The following AGPAT3 variants were observed in gnomAD, a reference collection of about 807,000 sequenced individuals.
AGPAT3 encodes 1-acyl-sn-glycerol-3-phosphate acyltransferase gamma.
In AGPAT3, 5 loss-of-function variants were observed where a neutral mutation model predicts 47.3. The ratio of observed to expected loss-of-function variants is 0.11; its 90% confidence interval spans 0.06 to 0.22. AGPAT3 has a LOEUF of 0.22. AGPAT3 is among the 10% of genes least tolerant of loss of function. The pLI is 1.00. For synonymous variants in AGPAT3, 212 were observed against 208.3 expected, an observed-to-expected ratio of 1.02 and a Z score of -0.15; for missense variants, 315 against 493.0, an observed-to-expected ratio of 0.64 and a Z score of 3.42.
Position 43,877,580 on chromosome 21 carries a change from T to A in AGPAT3, c.-112+12235T>A, listed in dbSNP as rs945472593. Among the ~76,000 whole-genome samples the A allele has an allele frequency of 3.9e-5, 6 of 152,266 alleles. No individual in the cohort carries two copies. The South Asian group carries it at 1.0e-3, about 26-fold the overall frequency. On this transcript the variant is annotated intron_variant, in intron 1 of 9. Coordinates refer to ENST00000291572, the MANE Select transcript of AGPAT3 (RefSeq NM_020132.5). The stretch of plus-strand genomic sequence containing the variant: ...GCCTCAGCTTCCTGAGTAGCCGGGA[T>A]TACAGGCATGCACCACCATGCCCTG...
chr21:43,893,078 G>A (rs114706569), intron 1 of AGPAT3, among the ~76,000 whole-genome samples: 100 of 152,284 alleles, frequency 6.6e-4, no homozygotes, highest in African/African-American at 2.2e-3. Flanking sequence ...CTAGGCAACC[G>A]AGTGACACCC....
intron 1 of AGPAT3, among the ~76,000 whole-genome samples, chr21:43,895,745 C>T (rs1168225500): frequency 6.6e-6 from 1 of 152,004 alleles, no homozygotes; most frequent in Non-Finnish European, 1.5e-5. Flanking sequence ...GCCACCACAC[C>T]TGGCTAATTT....
intron 1 of AGPAT3, among the ~76,000 whole-genome samples, chr21:43,901,227 G>C (rs1284349323): frequency 1.3e-5 from 2 of 151,892 alleles, no homozygotes; most frequent in African/African-American, 4.8e-5. Context: ...CAACGGCAGA[G>C]GCAGGAGGAT....
intron 2 of AGPAT3, chr21:43,925,151 C>T (rs1443237728): frequency 6.6e-6 from 1 of 152,472 alleles, no homozygotes; most frequent in Non-Finnish European, 1.5e-5. Context: ...TCTCCCCTCG[C>T]TGGCGCTGGC....
chr21:43,879,149 A>T (rs1248025077), intron 1 of AGPAT3, among the ~76,000 whole-genome samples: 1 of 152,112 alleles, frequency 6.6e-6, no homozygotes, highest in Non-Finnish European at 1.5e-5. Context: ...CAGGAGTTCG[A>T]GACCAGCCTG....
At chr21:43,942,680 G>T (rs1342977655) in intron 2 of AGPAT3, among the ~76,000 whole-genome samples, 1 of 152,240 alleles carries the variant, frequency 6.6e-6, no homozygotes, top group Non-Finnish European at 1.5e-5. Flanking sequence ...AACCCCACAG[G>T]TGGCAGCTGG....
chr21:43,958,910 G>A (rs895468685), intron 2 of AGPAT3, among the ~76,000 whole-genome samples: 1 of 129,872 alleles, frequency 7.7e-6, no homozygotes, highest in African/African-American at 3.0e-5. Context: ...TGGTGGGGTG[G>A]TGTGTGTGTG....
At chr21:43,915,111 T>G (rs1366595168) in intron 2 of AGPAT3, among the ~76,000 whole-genome samples, 1 of 152,134 alleles carries the variant, frequency 6.6e-6, no homozygotes, top group Non-Finnish European at 1.5e-5. Flanking sequence ...CAGGCTGGAG[T>G]GCAGTGATGC....
chr21:43,923,245 C>T (rs572730763), intron 2 of AGPAT3, among the ~76,000 whole-genome samples: 1 of 150,702 alleles, frequency 6.6e-6, no homozygotes, highest in African/African-American at 2.4e-5. Context: ...GAGTCGCTGT[C>T]TGGGGGGCAC....
At chr21:43,890,422 T>C (rs2086078027) in intron 1 of AGPAT3, among the ~76,000 whole-genome samples, 1 of 151,448 alleles carries the variant, frequency 6.6e-6, no homozygotes. Context: ...CGGTCTCAAT[T>C]TTTTTTTTAA....
rs959023444 is a variant in AGPAT3, at chr21:43,955,346, C to T, written c.-48-4288C>T. 7.5e-6 allele frequency: 6 copies of T among 801,126 alleles called. No individual in the cohort carries two copies. Among genetic ancestry groups the T allele is most frequent in the South Asian group, 2.3e-5 (1 of 43,008 alleles). The allele number at this position is 801,126 out of a possible 1,614,324, so 49.6% of individuals were successfully genotyped here. A position where few individuals can be genotyped will look rare whatever the true frequency, so the allele number is the denominator to read the frequency against. On this transcript the variant is annotated intron_variant, in intron 2 of 9. Coordinates refer to ENST00000291572, the MANE Select transcript of AGPAT3 (RefSeq NM_020132.5). This position sits in a 1 kb window ranked among gnomAD's most constrained non-coding sequence, Gnocchi z 4.1. Reference sequence around the variant, plus strand: ...TGTTGCAGTGTGGTGGGGTCACAGGCGGCTTAGCTTGTCAACACCCATAAC... The same window carrying T: ...TGTTGCAGTGTGGTGGGGTCACAGGTGGCTTAGCTTGTCAACACCCATAAC...
Position 43,955,134 on chromosome 21 carries a change from C to T in AGPAT3, c.-48-4500C>T. Reference sequence around the variant, plus strand: ...CGTCCATGCCGTGGGGGTCACTCAGCAGCCACGGATGCGCCCTGGGTGCTG... The same window carrying T: ...CGTCCATGCCGTGGGGGTCACTCAGTAGCCACGGATGCGCCCTGGGTGCTG... On this transcript the variant is annotated intron_variant, in intron 2 of 9. Transcript: ENST00000291572. The surrounding 1 kb of genome is among the most constrained non-coding windows in gnomAD (Gnocchi z 4.1). The T allele has an allele frequency of 7.8e-7, 1 of 1,276,784 alleles. No homozygotes were observed. The highest frequency in any genetic ancestry group is 1.0e-6 in the Non-Finnish European group (1 of 980,848). 79.1% of individuals were successfully genotyped at this position (1,276,784 alleles called of 1,614,324 possible).
In AGPAT3 at chr21:43,885,974, TCAGGGGCTCCAAATACAGG is replaced by T. The variant is rs1215804718; in HGVS notation, c.-111-17976_-111-17958del. Among the ~76,000 whole-genome samples, 17 of 152,326 alleles carry T rather than the reference TCAGGGGCTCCAAATACAGG, an allele frequency of 1.1e-4. No homozygotes were observed. The East Asian group carries it at 3.1e-3, about 28-fold the overall frequency. On this transcript the variant is annotated intron_variant, in intron 1 of 9. Transcript: ENST00000291572. ...GCTGACAGGAGGGAAGGTTGCCCGG[TCAGGGGCTCCAAATACAGG>T]CAGGGGTTTTTGCAAAGCCGGGGCA...
intron 2 of AGPAT3, among the ~76,000 whole-genome samples, chr21:43,916,584 A>C (rs2086736030): frequency 8.0e-6 from 1 of 124,388 alleles, no homozygotes; most frequent in African/African-American, 3.2e-5. Flanking sequence ...TATTTATTTC[A>C]TGTATTTTTA....
At position 43,981,397 on chromosome 21, in the gene AGPAT3, G is replaced by A. The variant is rs939189035; in HGVS notation, c.1042+210G>A. 20 of 611,784 alleles carry A rather than the reference G, an allele frequency of 3.3e-5. No individual in the cohort carries two copies. The highest frequency in any genetic ancestry group is 5.6e-5 in the East Asian group (2 of 35,466). The allele number at this position is 611,784 out of a possible 1,614,324, so 37.9% of individuals were successfully genotyped here. On this transcript the variant is annotated intron_variant, in intron 9 of 9. Transcript: ENST00000291572. The surrounding 1 kb of genome is among the most constrained non-coding windows in gnomAD (Gnocchi z 5.3). ...GGGTCGCCTCCCCAGAGAGCCGAAC[G>A]GCCGCCACCTGGCGCCATCCCCACT...
chr21:43,974,444 ATG>A (rs2089524535), intron 7 of AGPAT3, among the ~76,000 whole-genome samples: 2 of 148,552 alleles, frequency 1.3e-5, no homozygotes, highest in Non-Finnish European at 3.0e-5. Flanking sequence ...TGTGTGTGGT[ATG>A]TGTGTATAAA....
In AGPAT3 at chr21:43,971,407, A is replaced by G. The variant is rs559992263; in HGVS notation, c.684A>G (p.Val228=). The change falls in exon 7 of 10, where the codon GTA becomes GTG. Residue 228 remains valine, a synonymous_variant. Coordinates refer to ENST00000291572, the MANE Select transcript of AGPAT3 (RefSeq NM_020132.5). The part of the protein sequence containing the change: ...LRGTVAAVYD[V]TLNFRGNKNP... ...CCACAGTCGCAGCTGTCTATGATGT[A>G]ACCCTGAACTTCAGAGGAAACAAGA... 6.2e-7 allele frequency: 1 copy of G among 1,614,212 alleles called. No homozygotes were observed. Among genetic ancestry groups the G allele is most frequent in the South Asian group, 1.1e-5 (1 of 91,086 alleles).
chr21:43,969,484 C>T (rs1171876502), intron 5 of AGPAT3, among the ~76,000 whole-genome samples: 1 of 152,208 alleles, frequency 6.6e-6, no homozygotes, highest in East Asian at 1.9e-4. Context: ...TCGCCGCAAT[C>T]CCAGCTCTGA....
In AGPAT3 at chr21:43,973,740, C is replaced by T. The variant is rs569721587; in HGVS notation, c.767+2250C>T. Among the ~76,000 whole-genome samples, 4 of 152,358 alleles carry T rather than the reference C, an allele frequency of 2.6e-5. No individual in the cohort carries two copies. In the East Asian group the frequency reaches 5.8e-4, roughly 22 times the overall value. Reference sequence around the variant, plus strand: ...CGCCCCTGCAGCCGAGCCATCACAGCGCCAGGCTCCCCACAGCATGGGGCT... The same window carrying T: ...CGCCCCTGCAGCCGAGCCATCACAGTGCCAGGCTCCCCACAGCATGGGGCT... On this transcript the variant is annotated intron_variant, in intron 7 of 9. Coordinates refer to ENST00000291572, the MANE Select transcript of AGPAT3 (RefSeq NM_020132.5).
Sources: allele counts gnomAD v4.1 joint callset (sites outside exome capture counted in the v4.1 genomes callset), GRCh38; gene constraint gnomAD v4.1.1; non-coding constraint Gnocchi (gnomAD v3.1); transcripts MANE v1.5; gene names NCBI Gene and HGNC (gene_info 2026-07-23, HGNC 2026-07-21).